SUPV3L1: variants seen among roughly 807,000 people sequenced by gnomAD.
SUPV3L1 encodes the protein ATP-dependent RNA helicase SUPV3L1, mitochondrial.
A neutral mutation model predicts 70.0 loss-of-function variants in SUPV3L1; 35 were observed. The observed-to-expected ratio is 0.50, with a 90% CI of 0.38 to 0.66. The LOEUF (loss-of-function observed/expected upper bound fraction) is 0.66. Ranked by LOEUF, SUPV3L1 falls within the 30% of genes least tolerant of loss-of-function variation. SUPV3L1 has a pLI of 0.00. For synonymous variants in SUPV3L1, 364 were observed against 341.9 expected (o/e 1.06, Z -0.71); for missense variants, 777 against 961.5 (o/e 0.81, Z 2.54).
At position 69,202,349 on chromosome 10, in the gene SUPV3L1, A is replaced by G. The variant is rs1293607716; in HGVS notation, c.1519-90A>G. The G allele has an allele frequency of 2.0e-5, 21 of 1,066,232 alleles. No individual in the cohort carries two copies. In the South Asian group the frequency reaches 3.0e-4, roughly 15 times the overall value. The allele number at this position is 1,066,232 out of a possible 1,614,324, so 66.0% of individuals were successfully genotyped here. On this transcript the variant is annotated intron_variant, in intron 11 of 14. Coordinates refer to ENST00000359655, the MANE Select transcript of SUPV3L1 (RefSeq NM_003171.5). The stretch of plus-strand genomic sequence containing the variant: ...TTCATATGGTGAGAGCTTAGCCTGA[A>G]TGGGACTTTATCGTGCAATAACTTA...
Position 69,180,242 on chromosome 10 carries a change from C to A in SUPV3L1, c.-50C>A. The A allele has an allele frequency of 6.3e-6, 10 of 1,578,098 alleles. No individual in the cohort carries two copies. Among genetic ancestry groups the A allele is most frequent in the Non-Finnish European group, 8.6e-6 (10 of 1,161,316 alleles). Reference sequence around the variant, plus strand: ...AGGCGCTGGAGGTGCGCGTCACTGTCCGCCGCCGTGTCCGCGGCTGCGCCA... The same window carrying A: ...AGGCGCTGGAGGTGCGCGTCACTGTACGCCGCCGTGTCCGCGGCTGCGCCA... On this transcript the variant is annotated 5_prime_UTR_variant, in exon 1 of 15. Coordinates refer to ENST00000359655, the MANE Select transcript of SUPV3L1 (RefSeq NM_003171.5).
chr10:69,183,020 T>G (rs566959235), intron 1 of SUPV3L1, among the ~76,000 whole-genome samples: 7 of 152,296 alleles, frequency 4.6e-5, no homozygotes, highest in East Asian at 3.9e-4. Context: ...TGGACCTATA[T>G]ATCTCGCTGC....
Position 69,186,483 on chromosome 10 carries a change from T to C in SUPV3L1, c.390T>C (p.Tyr130=), listed in dbSNP as rs781520484. 22 of 1,613,972 alleles carry C rather than the reference T, an allele frequency of 1.4e-5. No homozygotes were observed. Among genetic ancestry groups the C allele is most frequent in the Middle Eastern group, 1.6e-4 (1 of 6,084 alleles). The stretch of plus-strand genomic sequence containing the variant: ...AAGCTTTCATAAGCTTTAGAAATTA[T>C]ATTATGCAGTCTCATTCCCTGGATG... ...FHQAFISFRN[Y]IMQSHSLDVD... The change falls in exon 3 of 15, where the codon TAT becomes TAC. Residue 130 remains tyrosine (Y), a synonymous_variant. Transcript: ENST00000359655.
intron 1 of SUPV3L1, among the ~76,000 whole-genome samples, chr10:69,185,455 C>T (rs1180663792): frequency 1.4e-5 from 2 of 145,464 alleles, no homozygotes; most frequent in African/African-American, 4.9e-5. Flanking sequence ...ATTGCTCATT[C>T]CTCTATGGTA....
Position 69,202,857 on chromosome 10 carries a change from T to G in SUPV3L1, c.1600-10T>G, listed in dbSNP as rs760555128. On this transcript the variant is annotated splice_polypyrimidine_tract_variant and intron_variant, in intron 12 of 14. Transcript: ENST00000359655. ...GGCAGTCCAGTAATTTCTGTCTTTT[T>G]TTCCCCAAGGATATTTTTGTAGACT... The G allele has an allele frequency of 4.4e-6, 7 of 1,608,640 alleles. No homozygotes were observed. In the East Asian group the frequency reaches 1.6e-4, roughly 36 times the overall value.
chr10:69,207,717 T>C, intron 13 of SUPV3L1, 76 bp from the exon 14 acceptor site: 1 of 1,493,356 alleles, frequency 6.7e-7, no homozygotes, highest in Non-Finnish European at 8.9e-7. Flanking sequence ...TTTGCTTTCT[T>C]TTTTTTCTCT....
At chr10:69,184,818 T>C (rs1842171849) in intron 1 of SUPV3L1, among the ~76,000 whole-genome samples, 1 of 152,218 alleles carries the variant, frequency 6.6e-6, no homozygotes, top group Non-Finnish European at 1.5e-5. Flanking sequence ...GGCACATTTG[T>C]GAAAGGTAAA....
chr10:69,183,084 A>G (rs1391373451), intron 1 of SUPV3L1, among the ~76,000 whole-genome samples: 1 of 152,152 alleles, frequency 6.6e-6, no homozygotes, highest in Non-Finnish European at 1.5e-5. Context: ...TAGCATGTCA[A>G]GACAACTTAC....
intron 8 of SUPV3L1, among the ~76,000 whole-genome samples, chr10:69,197,645 C>T (rs1842575865): frequency 6.6e-6 from 1 of 152,176 alleles, no homozygotes; most frequent in South Asian, 2.1e-4. Context: ...TCACAACTCA[C>T]TGCAGTCTCA....
In SUPV3L1 at chr10:69,181,984, G is replaced by GT. The variant is rs200574017; in HGVS notation, c.271+1431dup. ...ATTTACTCTTTTAAGCTTTTTTTTAGTTTTTTTTTCTTTACTTTTTTTTTT... is the reference window on the plus strand; with the variant it reads ...ATTTACTCTTTTAAGCTTTTTTTTAGTTTTTTTTTTCTTTACTTTTTTTTTT... On this transcript the variant is annotated intron_variant, in intron 1 of 14. Coordinates refer to ENST00000359655, the MANE Select transcript of SUPV3L1 (RefSeq NM_003171.5). 5.4e-3 allele frequency among the ~76,000 whole-genome samples: 784 copies of GT among 145,846 alleles called. 4 individuals carry two copies. The highest frequency in any genetic ancestry group is 0.019 in the African/African-American group (750 of 39,758).
Position 69,187,731 on chromosome 10 carries a change from A to G in SUPV3L1, c.547A>G (p.Ser183Gly), listed in dbSNP as rs938836168. 6.2e-7 allele frequency: 1 copy of G among 1,610,970 alleles called. No homozygotes were observed. The highest frequency in any genetic ancestry group is 8.5e-7 in the Non-Finnish European group (1 of 1,178,880). ...LDCKDDLRKI[S>G]DLRIPPNWYP... ...CTGTAAGGATGATCTACGTAAAATCAGTGACTTAAGAATACCACCTAACTG... is the reference window on the plus strand; with the variant it reads ...CTGTAAGGATGATCTACGTAAAATCGGTGACTTAAGAATACCACCTAACTG... Residue 183 changes from serine to glycine, a missense_variant, in exon 4 of 15, where the codon AGT (serine) becomes GGT (glycine). Coordinates refer to ENST00000359655, the MANE Select transcript of SUPV3L1 (RefSeq NM_003171.5).
At chr10:69,188,610 T>C (rs1025371701) in intron 4 of SUPV3L1, among the ~76,000 whole-genome samples, 6 of 152,186 alleles carry the variant, frequency 3.9e-5, no homozygotes, top group Non-Finnish European at 8.8e-5. Context: ...GTGATTCTCC[T>C]GCCTCAGCCT....
intron 1 of SUPV3L1, among the ~76,000 whole-genome samples, chr10:69,182,124 A>T (rs1366872303): frequency 6.6e-6 from 1 of 151,784 alleles, no homozygotes; most frequent in Non-Finnish European, 1.5e-5. Flanking sequence ...CCTTCTAAGT[A>T]GCTAGGAATA....
intron 10 of SUPV3L1, 73 bp downstream of exon 10, chr10:69,199,270 A>G (rs1842623373): frequency 5.3e-6 from 6 of 1,123,268 alleles, no homozygotes; most frequent in Non-Finnish European, 6.4e-6. Flanking sequence ...TCAGTTTTCT[A>G]ATTGGCATTA....
chr10:69,208,615 T>C lies in SUPV3L1; in HGVS notation c.1941T>C (p.Asp647=). 1 of 1,611,946 alleles carries C rather than the reference T, an allele frequency of 6.2e-7. No homozygotes were observed. The highest frequency in any genetic ancestry group is 8.5e-7 in the Non-Finnish European group (1 of 1,178,144). ...LYLWLSYRFM[D]MFPDASLIRD... ...TTTTTCCCAGCTACCGATTTATGGA[T>C]ATGTTTCCAGATGCCAGCCTTATTC... The change falls in exon 15 of 15, where the codon GAT becomes GAC. Residue 647 remains aspartate, a synonymous_variant. Transcript: ENST00000359655.
In SUPV3L1 at chr10:69,189,371, C is replaced by G; in HGVS notation, c.677C>G (p.Ser226Cys). Residue 226 changes from serine (S) to cysteine (C), a missense_variant, in exon 5 of 15, where the codon TCT becomes TGT. By Grantham distance (112) the Ser-to-Cys change is moderately radical. This residue lies in a region of SUPV3L1 where 619 missense variants were observed against 823.3 expected (regional missense o/e 0.75). Transcript: ENST00000359655. ...HAIQKYFSAK[S>C]GVYCGPLKLL... ...ATCCAGAAATACTTCTCAGCAAAGT[C>G]TGGAGTGTATTGTGGCCCTCTAAAA... The G allele has an allele frequency of 1.9e-6, 3 of 1,614,068 alleles. No homozygotes were observed. The highest frequency in any genetic ancestry group is 1.7e-6 in the Non-Finnish European group (2 of 1,180,002).
In SUPV3L1 at chr10:69,198,367, T is replaced by G; in HGVS notation, c.1024-5T>G. The G allele has an allele frequency of 6.3e-7, 1 of 1,580,062 alleles. No homozygotes were observed. The highest frequency in any genetic ancestry group is 8.6e-7 in the Non-Finnish European group (1 of 1,165,590). ...TCATTTTGCCATTTCATGTCTTTAT[T>G]GTAGGTTCGAGACTATAAGAGGCTT... On this transcript the variant is annotated splice_polypyrimidine_tract_variant and splice_region_variant and intron_variant, in intron 8 of 14. Coordinates refer to ENST00000359655, the MANE Select transcript of SUPV3L1 (RefSeq NM_003171.5).
At chr10:69,201,894 G>A (rs1416105613) in intron 11 of SUPV3L1, among the ~76,000 whole-genome samples, 1 of 146,146 alleles carries the variant, frequency 6.8e-6, no homozygotes, top group African/African-American at 2.6e-5. Flanking sequence ...AGGCTGGAGT[G>A]CAGTGGCGCG....
At chr10:69,203,972 A>G (rs12778597) in intron 13 of SUPV3L1, among the ~76,000 whole-genome samples, 35,067 of 151,818 alleles carry the variant, frequency 0.23, 4,362 homozygotes, top group African/African-American at 0.28. Flanking sequence ...TGATCATCCC[A>G]CCTCAGCCTC....
Sources: allele counts gnomAD v4.1 joint callset (sites outside exome capture counted in the v4.1 genomes callset), GRCh38; gene constraint gnomAD v4.1.1; regional missense constraint gnomAD v4.1.1; transcripts MANE v1.5; gene names NCBI Gene and HGNC (gene_info 2026-07-23, HGNC 2026-07-21).